The following PRMT3 variants were observed in gnomAD, a reference collection of about 807,000 sequenced individuals.
PRMT3 encodes the protein protein arginine N-methyltransferase 3.
A neutral mutation model predicts 71.9 loss-of-function variants in PRMT3; 62 were observed. The ratio of observed to expected loss-of-function variants is 0.86; its 90% CI spans 0.70 to 1.07. The LOEUF is 1.07. Ranked by LOEUF, PRMT3 falls within the 50% of genes least tolerant of loss-of-function variation. The pLI is 0.00. For missense variants in PRMT3, 663 were observed against 643.0 expected, an observed-to-expected ratio of 1.03 and a Z score of -0.34; for synonymous variants, 213 against 220.4, an observed-to-expected ratio of 0.97 and a Z score of 0.30.
chr11:20,396,240 A>G (rs1337489818), intron 6 of PRMT3, among the ~76,000 whole-genome samples: 3 of 152,098 alleles, frequency 2.0e-5, no homozygotes, highest in Non-Finnish European at 4.4e-5. Flanking sequence ...TCCTGTTTGC[A>G]TTGATTTCTC....
chr11:20,426,069 T>A (rs1172912654), intron 9 of PRMT3, among the ~76,000 whole-genome samples: 1 of 152,202 alleles, frequency 6.6e-6, no homozygotes. Flanking sequence ...GGGGAAATAT[T>A]GCTAATCTTA....
At chr11:20,481,262 TAAA>T (rs11451315) in intron 13 of PRMT3, among the ~76,000 whole-genome samples, 1 of 147,258 alleles carries the variant, frequency 6.8e-6, no homozygotes, top group African/African-American at 2.5e-5. Context: ...AGCATTCAGG[TAAA>T]AAAAAAAAAA....
At chr11:20,499,017 G>A (rs1851398206) in intron 15 of PRMT3, among the ~76,000 whole-genome samples, 1 of 152,150 alleles carries the variant, frequency 6.6e-6, no homozygotes, top group African/African-American at 2.4e-5. Flanking sequence ...TGGTAAATGT[G>A]TGATCACATT....
At chr11:20,434,264 G>A (rs571306608) in intron 10 of PRMT3, among the ~76,000 whole-genome samples, 33 of 152,202 alleles carry the variant, frequency 2.2e-4, no homozygotes, top group African/African-American at 7.9e-4. Flanking sequence ...CCTTATAGAT[G>A]CTGGTTATTA....
intron 10 of PRMT3, among the ~76,000 whole-genome samples, chr11:20,439,249 G>A (rs1372784680): frequency 1.3e-5 from 2 of 152,182 alleles, no homozygotes; most frequent in African/African-American, 4.8e-5. Context: ...GGTGAGGTCT[G>A]TAGATGTCCA....
intron 13 of PRMT3, among the ~76,000 whole-genome samples, chr11:20,475,034 A>C (rs1850745980): frequency 6.6e-6 from 1 of 152,186 alleles, no homozygotes; most frequent in Non-Finnish European, 1.5e-5. Context: ...TTAAATAAGG[A>C]AGGGGTAGGC....
intron 13 of PRMT3, among the ~76,000 whole-genome samples, chr11:20,467,176 G>A (rs889591535): frequency 1.3e-5 from 2 of 152,152 alleles, no homozygotes; most frequent in African/African-American, 4.8e-5. Flanking sequence ...AAATATTTTA[G>A]TAGTTAGCAT....
At chr11:20,488,260 C>T (rs1226712649) in intron 13 of PRMT3, among the ~76,000 whole-genome samples, 3 of 152,082 alleles carry the variant, frequency 2.0e-5, no homozygotes, top group African/African-American at 7.2e-5. Context: ...TTATTACTAG[C>T]ACAGTTCATG....
At chr11:20,404,469 T>C (rs1345618074) in intron 8 of PRMT3, among the ~76,000 whole-genome samples, 1 of 151,924 alleles carries the variant, frequency 6.6e-6, no homozygotes, top group African/African-American at 2.4e-5. Flanking sequence ...CTTGACCTTG[T>C]GATCCGCCCG....
chr11:20,411,858 A>G (rs1170170631), intron 9 of PRMT3, among the ~76,000 whole-genome samples: 1 of 152,188 alleles, frequency 6.6e-6, no homozygotes, highest in Non-Finnish European at 1.5e-5. Context: ...TTTATTATAC[A>G]GCAGGTTCAC....
intron 15 of PRMT3, among the ~76,000 whole-genome samples, chr11:20,505,707 A>C (rs1322692532): frequency 1.3e-5 from 2 of 152,146 alleles, no homozygotes; most frequent in Admixed American, 1.3e-4. Flanking sequence ...AAAATAGGAA[A>C]ATCTTAAATG....
At chr11:20,472,708 A>G (rs946081313) in intron 13 of PRMT3, among the ~76,000 whole-genome samples, 7 of 152,172 alleles carry the variant, frequency 4.6e-5, no homozygotes, top group Non-Finnish European at 1.0e-4. Context: ...TTTTGGTATC[A>G]GGATGATGCT....
At chr11:20,391,645 A>G (rs1848718311) in intron 3 of PRMT3, among the ~76,000 whole-genome samples, 1 of 151,972 alleles carries the variant, frequency 6.6e-6, no homozygotes, top group Non-Finnish European at 1.5e-5. Flanking sequence ...TTTGTATACT[A>G]TTAAAGTTTT....
chr11:20,503,645 G>A (rs184633760), intron 15 of PRMT3, among the ~76,000 whole-genome samples: 12 of 149,790 alleles, frequency 8.0e-5, no homozygotes, highest in Admixed American at 6.7e-4. Context: ...TTTTTTTTGA[G>A]ATTCTTCTAT....
At chr11:20,441,788 G>GTTTT (rs61553968) in intron 10 of PRMT3, among the ~76,000 whole-genome samples, 115 of 118,382 alleles carry the variant, frequency 9.7e-4, no homozygotes, top group Admixed American at 2.3e-3. Flanking sequence ...ATAGTTTCAG[G>GTTTT]TTTTTTTTTT....
chr11:20,448,334 A>G (rs759683995), intron 10 of PRMT3, among the ~76,000 whole-genome samples: 1 of 152,142 alleles, frequency 6.6e-6, no homozygotes, highest in Admixed American at 6.5e-5. Context: ...GCCAGCTCCA[A>G]TCACATCAAA....
At chr11:20,500,118 G>A (rs998024721) in intron 15 of PRMT3, among the ~76,000 whole-genome samples, 4 of 152,176 alleles carry the variant, frequency 2.6e-5, no homozygotes, top group African/African-American at 9.7e-5. Context: ...GAGGAGCAAT[G>A]AATGATTGAA....
chr11:20,477,216 G>A (rs1850812087), intron 13 of PRMT3, among the ~76,000 whole-genome samples: 1 of 152,150 alleles, frequency 6.6e-6, no homozygotes, highest in African/African-American at 2.4e-5. Flanking sequence ...TGCATTGGAG[G>A]GAAAAGGTCC....
At chr11:20,412,751 A>G (rs1198094946) in intron 9 of PRMT3, among the ~76,000 whole-genome samples, 4 of 152,164 alleles carry the variant, frequency 2.6e-5, no homozygotes, top group Non-Finnish European at 5.9e-5. Context: ...AGTTTTTTCT[A>G]TTGAATCTCC....
Sources: gnomAD v4.1 joint callset for allele counts (sites outside exome capture counted in the v4.1 genomes callset) on GRCh38, gnomAD v4.1.1 for gene constraint, MANE v1.5 for transcripts, NCBI Gene and HGNC (gene_info 2026-07-23, HGNC 2026-07-21) for gene names.